Variants in ENG observed in about 807,000 individuals in gnomAD.
ENG encodes CD105 antigen.
A neutral mutation model predicts 71.0 loss-of-function variants in ENG; 17 were observed. The ratio of observed to expected loss-of-function variants is 0.24; its 90% CI spans 0.16 to 0.36. The LOEUF (loss-of-function observed/expected upper bound fraction) is 0.36. Among genes scored for constraint, ENG ranks in the 10% least tolerant of loss-of-function variants. The probability of loss-of-function intolerance (pLI) is 1.00; values close to 1 mark genes in which losing one functional copy is unlikely to be tolerated. For synonymous variants in ENG, 360 were observed against 366.9 expected (o/e 0.98, Z 0.21); for missense variants, 749 against 868.3 (o/e 0.86, Z 1.73).
At chr9:127,845,262 C>T (rs1015780400) in intron 1 of ENG, among the ~76,000 whole-genome samples, 1 of 152,204 alleles carries the variant, frequency 6.6e-6, no homozygotes, top group African/African-American at 2.4e-5. Flanking sequence ...CTGTCTGGAG[C>T]CTCACCGGCC....
At chr9:127,819,772 C>G (rs1830428599) in intron 9 of ENG, 112 bp from the exon 10 acceptor site, 1 of 1,600,942 alleles carries the variant, frequency 6.2e-7, no homozygotes, top group Non-Finnish European at 8.5e-7. Flanking sequence ...AATGGCCAAG[C>G]TTGTCTTGTG....
chr9:127,850,786 C>T (rs748879438), intron 1 of ENG, among the ~76,000 whole-genome samples: 48 of 152,226 alleles, frequency 3.2e-4, no homozygotes, highest in Non-Finnish European at 5.9e-4. Context: ...GCTGCCGGGA[C>T]GCAATCCACA....
intron 7 of ENG, 27 bp downstream of exon 7, chr9:127,824,773 A>AGGGAAG (rs1564455519): frequency 6.6e-7 from 1 of 1,504,970 alleles, no homozygotes; most frequent in Non-Finnish European, 8.9e-7. Context: ...GGGGAAGGGA[A>AGGGAAG]GGGAGGGGCA....
intron 1 of ENG, among the ~76,000 whole-genome samples, chr9:127,853,841 C>T (rs1029669823): frequency 1.3e-5 from 2 of 152,218 alleles, no homozygotes; most frequent in African/African-American, 4.8e-5. Context: ...CGAAGGCAGT[C>T]CCCCAGGATC....
At chr9:127,825,176 T>C in intron 6 of ENG, 55 bp downstream of exon 6, 1 of 1,613,056 alleles carries the variant, frequency 6.2e-7, no homozygotes, top group Non-Finnish European at 8.5e-7. Flanking sequence ...GAAACTTCCC[T>C]GATCCAGAGG....
In ENG at chr9:127,826,656, G is replaced by C. The variant is rs1465590661; in HGVS notation, c.377C>G (p.Thr126Ser). ...GTTGACCCCCGGGGGCTCTTGGAAG[G>C]TGACCAGGCTGGAATTCTGGGGAGA... ...LHLAYNSSLVTFQEPPGVNTT... is the reference protein window; with the variant it reads ...LHLAYNSSLVSFQEPPGVNTT... Residue 126 changes from threonine to serine, a missense_variant, in exon 4 of 15, where the codon ACC (threonine) becomes AGC (serine). Physicochemically the swap from Thr to Ser is moderately conservative, Grantham distance 58. Transcript: ENST00000373203. 4 of 1,613,870 alleles carry C rather than the reference G, an allele frequency of 2.5e-6. No individual in the cohort carries two copies. The South Asian group carries it at 4.4e-5, about 18-fold the overall frequency.
chr9:127,837,089 G>C (rs948921284), intron 2 of ENG, among the ~76,000 whole-genome samples: 8 of 152,172 alleles, frequency 5.3e-5, no homozygotes, highest in Admixed American at 1.3e-4. Context: ...CGCCTGGCCT[G>C]GTTGGCTTTT....
chr9:127,815,627 C>A lies in ENG; in HGVS notation c.*55G>T. ...CTCCCAGGGTGAGTTCACACCAGTGCTCCCAGCTGGCGGCTGCTCAGTCTC... is the reference window on the plus strand; with the variant it reads ...CTCCCAGGGTGAGTTCACACCAGTGATCCCAGCTGGCGGCTGCTCAGTCTC... On this transcript the variant is annotated 3_prime_UTR_variant, in exon 15 of 15. Coordinates refer to ENST00000373203, the MANE Select transcript of ENG (RefSeq NM_001114753.3). 6.5e-7 allele frequency: 1 copy of A among 1,534,028 alleles called. No homozygotes were observed. Among genetic ancestry groups the A allele is most frequent in the Non-Finnish European group, 8.7e-7 (1 of 1,146,466 alleles).
chr9:127,825,957 C>A, intron 4 of ENG, 97 bp from the exon 5 acceptor site: 1 of 1,482,166 alleles, frequency 6.7e-7, no homozygotes, highest in Admixed American at 2.0e-5. Context: ...GTGGGGCAGG[C>A]AGGACGGTGC....
intron 7 of ENG, 63 bp from the exon 8 acceptor site, chr9:127,824,509 AGGCTTTTTTTTTTTTT>A: frequency 1.1e-6 from 1 of 938,322 alleles, no homozygotes; most frequent in Non-Finnish European, 1.5e-6. Context: ...TGCCCGCACC[AGGCTTTTTTTTTTTTT>A]TTTTTTTTTT....
chr9:127,816,891 G>C, intron 13 of ENG: 2 of 572,536 alleles, frequency 3.5e-6, no homozygotes, highest in South Asian at 4.0e-5. Flanking sequence ...GTGGAGCCGT[G>C]AGTGGGGGCA....
chr9:127,839,502 T>C (rs1830977066), intron 2 of ENG, among the ~76,000 whole-genome samples: 1 of 152,208 alleles, frequency 6.6e-6, no homozygotes, highest in Admixed American at 6.5e-5. Flanking sequence ...AGGCTGGACC[T>C]CAGCTTGCCC....
At position 127,846,702 on chromosome 9, in the gene ENG, G is replaced by T. The variant is rs1416574812; in HGVS notation, c.68-3457C>A. On this transcript the variant is annotated intron_variant, in intron 1 of 14. Transcript: ENST00000373203. This position sits in a 1 kb window ranked among gnomAD's most constrained non-coding sequence, Gnocchi z 5.5. ...ATGGGGAGACAGGAGGGAGTGTGAC[G>T]CCTGGGCCTGTCTCCCGGAGCCTGA... is the stretch of plus-strand genomic sequence containing the variant. Among the ~76,000 whole-genome samples the T allele has an allele frequency of 6.6e-6, 1 of 152,138 alleles. No individual in the cohort carries two copies. The highest frequency in any genetic ancestry group is 2.4e-5 in the African/African-American group (1 of 41,434).
At chr9:127,851,067 C>A (rs1831271485) in intron 1 of ENG, among the ~76,000 whole-genome samples, 1 of 152,040 alleles carries the variant, frequency 6.6e-6, no homozygotes. Context: ...GAAAAAAAAA[C>A]TAGTAAGCCA....
intron 7 of ENG, 38 bp from the exon 8 acceptor site, chr9:127,824,484 T>G: frequency 6.3e-7 from 1 of 1,590,154 alleles, no homozygotes; most frequent in South Asian, 1.1e-5. Flanking sequence ...GGCTGGTCAC[T>G]GTGTGATCAC....
chr9:127,815,918 C>T lies in ENG; in HGVS notation c.1852+25G>A, dbSNP rs1330057475. The T allele has an allele frequency of 1.6e-5, 25 of 1,585,702 alleles. 1 individual carries two copies. In the East Asian group the frequency reaches 5.3e-4, roughly 33 times the overall value. On this transcript the variant is annotated intron_variant, in intron 14 of 14. Transcript: ENST00000373203. ...GGTGGATGGAGGGGCCCGGCATGCTCACTGTGGGGGCCTGGGGTACTCACG... is the reference window on the plus strand; with the variant it reads ...GGTGGATGGAGGGGCCCGGCATGCTTACTGTGGGGGCCTGGGGTACTCACG...
chr9:127,845,433 T>C (rs12551892), intron 1 of ENG, among the ~76,000 whole-genome samples: 18,882 of 152,240 alleles, frequency 0.12, 1,602 homozygotes, highest in African/African-American at 0.24. Flanking sequence ...GCCCAGGCCT[T>C]ATATGTCGTC....
rs370943570 is a variant in ENG, at chr9:127,816,025, G to T, written c.1770C>A (p.Pro590=). ...CACCAAAGGTGATGCCCAGCACGGC[G>T]GGCAGGACGAGGCCTTTGCTTGTGC... ...SGCTSKGLVL[P]AVLGITFGAF... Residue 590 remains proline, a synonymous_variant, in exon 14 of 15, where the codon CCC becomes CCA. Coordinates refer to ENST00000373203, the MANE Select transcript of ENG (RefSeq NM_001114753.3). 2 of 1,610,608 alleles carry T rather than the reference G, an allele frequency of 1.2e-6. No homozygotes were observed. The highest frequency in any genetic ancestry group is 1.7e-6 in the Non-Finnish European group (2 of 1,179,184).
chr9:127,825,192 A>G, intron 6 of ENG, 39 bp downstream of exon 6: 1 of 1,610,336 alleles, frequency 6.2e-7, no homozygotes, highest in Non-Finnish European at 8.5e-7. Flanking sequence ...AGAGGTTGGG[A>G]GTTTGGGTTT....
Sources: gnomAD v4.1 joint callset for allele counts (sites outside exome capture counted in the v4.1 genomes callset) on GRCh38, gnomAD v4.1.1 for gene constraint, Gnocchi (gnomAD v3.1) non-coding constraint, MANE v1.5 for transcripts, NCBI Gene and HGNC (gene_info 2026-07-23, HGNC 2026-07-21) for gene names.